The following RNF19A variants were observed in gnomAD, a reference collection of about 807,000 sequenced individuals.
RNF19A encodes E3 ubiquitin-protein ligase RNF19A.
RNF19A carries 32 observed loss-of-function variants against 75.7 expected under a neutral mutation model. The observed-to-expected ratio is 0.42, with a 90% CI of 0.32 to 0.57. The LOEUF is 0.57. Among genes scored for constraint, RNF19A ranks in the 20% least tolerant of loss-of-function variants. RNF19A has a pLI of 0.10. For missense variants in RNF19A, 782 were observed against 1,036.3 expected (o/e 0.75, Z 3.37); for synonymous variants, 335 against 345.2 (o/e 0.97, Z 0.33).
chr8:100,284,632 TGA>T lies in RNF19A; in HGVS notation c.674+2867_674+2868del, dbSNP rs1820933711. Among the ~76,000 whole-genome samples the T allele has an allele frequency of 6.6e-6, 1 of 152,110 alleles. No individual in the cohort carries two copies. The highest frequency in any genetic ancestry group is 2.4e-5 in the African/African-American group (1 of 41,458). ...CTATTATTTTATGATATTTTATATTTGAGTTAACATTTGAATTATCATCTCTA... is the reference window on the plus strand; with the variant it reads ...CTATTATTTTATGATATTTTATATTTGTTAACATTTGAATTATCATCTCTA... On this transcript the variant is annotated intron_variant, in intron 2 of 9. Transcript: ENST00000341084. This position sits in a 1 kb window ranked among gnomAD's most constrained non-coding sequence, Gnocchi z 4.3.
In RNF19A at chr8:100,331,687, G is replaced by A. The variant is rs1360383013; in HGVS notation, c.-243+4421C>T. 6.6e-6 allele frequency among the ~76,000 whole-genome samples: 1 copy of A among 152,024 alleles called. No homozygotes were observed. The highest frequency in any genetic ancestry group is 2.4e-5 in the African/African-American group (1 of 41,372). ...GGCGCAAAATTTGAAAGGAATAAAAGGGTAGAGTGAAAGTCTCTTTTTAAA... is the reference window on the plus strand; with the variant it reads ...GGCGCAAAATTTGAAAGGAATAAAAAGGTAGAGTGAAAGTCTCTTTTTAAA... On this transcript the variant is annotated intron_variant, in intron 1 of 3. Transcript: ENST00000519527. The surrounding 1 kb of genome is among the most constrained non-coding windows in gnomAD (Gnocchi z 5.2).
In RNF19A at chr8:100,322,865, G is replaced by C. The variant is rs985965096; in HGVS notation, c.-242-9493C>G. On this transcript the variant is annotated intron_variant, in intron 1 of 3. Transcript: ENST00000519527. The surrounding 1 kb of genome is among the most constrained non-coding windows in gnomAD (Gnocchi z 5.1). ...CAGAACACACACACACATTTATTAAGTTCACTGTCTTCAGTGGGAGTGGTT... is the reference window on the plus strand; with the variant it reads ...CAGAACACACACACACATTTATTAACTTCACTGTCTTCAGTGGGAGTGGTT... Among the ~76,000 whole-genome samples, 1 of 152,152 alleles carries C rather than the reference G, an allele frequency of 6.6e-6. No individual in the cohort carries two copies. The highest frequency in any genetic ancestry group is 2.4e-5 in the African/African-American group (1 of 41,440).
At chr8:100,308,197 C>T (rs1377524860) in intron 1 of RNF19A, among the ~76,000 whole-genome samples, 1 of 152,048 alleles carries the variant, frequency 6.6e-6, no homozygotes, top group East Asian at 1.9e-4. Flanking sequence ...GTAATTTTTT[C>T]CTCAAAGACA....
At chr8:100,311,351 G>A (rs1313536989), upstream of RNF19A, among the ~76,000 whole-genome samples, 3 of 152,142 alleles carry the variant, frequency 2.0e-5, no homozygotes, top group Non-Finnish European at 4.4e-5. Flanking sequence ...CTTTACATAT[G>A]GGATGCTTTA....
In RNF19A at chr8:100,287,803, T is replaced by C; in HGVS notation, c.372A>G (p.Lys124=). 1 of 1,614,194 alleles carries C rather than the reference T, an allele frequency of 6.2e-7. No individual in the cohort carries two copies. The highest frequency in any genetic ancestry group is 8.5e-7 in the Non-Finnish European group (1 of 1,180,018). Reference sequence around the variant, plus strand: ...GGCACTCTATGAAGTCTCCAATTTGTTTGCTGATGGAAGTTAATCCATTGT... The same window carrying C: ...GGCACTCTATGAAGTCTCCAATTTGCTTGCTGATGGAAGTTAATCCATTGT... ...SSDNGLTSIS[K]QIGDFIECPL... is the part of the protein sequence containing the mutation. The change falls in exon 2 of 10, where the codon AAA becomes AAG. Residue 124 remains lysine (K), a synonymous_variant. Transcript: ENST00000341084. This position sits in a 1 kb window ranked among gnomAD's most constrained non-coding sequence, Gnocchi z 4.1.
chr8:100,259,133 C>A lies in RNF19A; in HGVS notation c.1940G>T (p.Gly647Val). 1.2e-6 allele frequency: 2 copies of A among 1,614,198 alleles called. No individual in the cohort carries two copies. Among genetic ancestry groups the A allele is most frequent in the South Asian group, 2.2e-5 (2 of 91,080 alleles). ...TTCAGGCAAGCCACTGGATGAACCG[C>A]CAGCATGACTTCGGGTGGCACTGCC... Reference protein sequence around the residue: ...DDGSATRSHAGGSSSGLPEGK... With the variant: ...DDGSATRSHAVGSSSGLPEGK... The change falls in exon 10 of 10, where the codon GGC (glycine) becomes GTC (valine). Residue 647 changes from glycine to valine, a missense_variant. By Grantham distance (109) the Gly-to-Val change is moderately radical (BLOSUM62 -3). Around this residue, in one of 7 missense-constraint regions of RNF19A, gnomAD observed 442 missense variants for 541.6 expected, o/e 0.82. Transcript: ENST00000341084. The surrounding 1 kb of genome is among the most constrained non-coding windows in gnomAD (Gnocchi z 4.5).
intron 3 of RNF19A, among the ~76,000 whole-genome samples, chr8:100,273,163 A>C (rs1272921887): frequency 6.6e-6 from 1 of 152,214 alleles, no homozygotes; most frequent in Non-Finnish European, 1.5e-5. Flanking sequence ...CATTGCGCCC[A>C]GCCAAGATTT....
In RNF19A at chr8:100,284,232, T is replaced by C. The variant is rs771769211; in HGVS notation, c.674+3269A>G. 1.3e-5 allele frequency among the ~76,000 whole-genome samples: 2 copies of C among 152,132 alleles called. No homozygotes were observed. Among genetic ancestry groups the C allele is most frequent in the Non-Finnish European group, 2.9e-5 (2 of 67,994 alleles). Reference sequence around the variant, plus strand: ...AACAAGATAGGATAGGGACTCAAAATCAGGTATTTACAGCTCATAATAAGT... The same window carrying C: ...AACAAGATAGGATAGGGACTCAAAACCAGGTATTTACAGCTCATAATAAGT... On this transcript the variant is annotated intron_variant, in intron 2 of 9. Coordinates refer to ENST00000341084, the MANE Select transcript of RNF19A (RefSeq NM_183419.4). The surrounding 1 kb of genome is among the most constrained non-coding windows in gnomAD (Gnocchi z 4.3).
intron 3 of RNF19A, 46 bp from the exon 4 acceptor site, chr8:100,270,059 A>T: frequency 7.0e-7 from 1 of 1,431,148 alleles, no homozygotes; most frequent in East Asian, 2.6e-5. Flanking sequence ...AAACTGGTCT[A>T]AAAATAACTT....
At chr8:100,294,743 CA>C (rs1309637657) in intron 1 of RNF19A, among the ~76,000 whole-genome samples, 1 of 152,132 alleles carries the variant, frequency 6.6e-6, no homozygotes, top group Non-Finnish European at 1.5e-5. Context: ...CTTTGAGATA[CA>C]GTATTCTTGA....
At chr8:100,265,599 CA>C (rs1447977341) in intron 5 of RNF19A, among the ~76,000 whole-genome samples, 1 of 152,092 alleles carries the variant, frequency 6.6e-6, no homozygotes, top group Non-Finnish European at 1.5e-5. Flanking sequence ...AAAACAGCCT[CA>C]AAAGTATGGG....
chr8:100,264,466 G>A lies in RNF19A; in HGVS notation c.1306+205C>T, dbSNP rs1249310957. ...CAGGCCTCCGAACTGTACTTGGGGT[G>A]GAGTGGGGAGGAAGGGTATCAGCCA... On this transcript the variant is annotated intron_variant, in intron 6 of 9. Coordinates refer to ENST00000341084, the MANE Select transcript of RNF19A (RefSeq NM_183419.4). The surrounding 1 kb of genome is among the most constrained non-coding windows in gnomAD (Gnocchi z 4.7). The A allele has an allele frequency of 2.6e-5, 15 of 583,656 alleles. No individual in the cohort carries two copies. The East Asian group carries it at 3.4e-4, about 13-fold the overall frequency. The allele number at this position is 583,656 out of a possible 1,614,324, so 36.2% of individuals were successfully genotyped here. A position where few individuals can be genotyped will look rare whatever the true frequency, so the allele number is the denominator to read the frequency against.
chr8:100,298,325 T>G (rs1821668446), intron 1 of RNF19A, among the ~76,000 whole-genome samples: 2 of 152,034 alleles, frequency 1.3e-5, no homozygotes, highest in Admixed American at 1.3e-4. Flanking sequence ...CACGAATTTC[T>G]CAAAGGTAAA....
chr8:100,288,377 G>GTT, intron 1 of RNF19A, 110 bp from the exon 2 acceptor site: 4 of 703,176 alleles, frequency 5.7e-6, no homozygotes, highest in South Asian at 8.8e-5. Context: ...ATTAGTAGTA[G>GTT]TTGTTTTTTT....
intron 3 of RNF19A, among the ~76,000 whole-genome samples, chr8:100,271,455 G>C (rs956514761): frequency 6.6e-6 from 1 of 152,202 alleles, no homozygotes; most frequent in Non-Finnish European, 1.5e-5. Context: ...TAAGCAGCAT[G>C]TTAATCGATA....
chr8:100,288,325 T>C, intron 1 of RNF19A, 58 bp from the exon 2 acceptor site: 5 of 1,108,368 alleles, frequency 4.5e-6, no homozygotes, highest in Non-Finnish European at 5.9e-6. Flanking sequence ...AGTTTGTATA[T>C]TTTTATAAAT....
Position 100,317,142 on chromosome 8 carries a change from G to T in RNF19A, c.-242-3770C>A, listed in dbSNP as rs895001632. Among the ~76,000 whole-genome samples the T allele has an allele frequency of 1.3e-5, 2 of 152,238 alleles. No homozygotes were observed. The highest frequency in any genetic ancestry group is 4.8e-5 in the African/African-American group (2 of 41,458). The stretch of plus-strand genomic sequence containing the variant: ...GCCCGCAAGCGCCGCACGCAGCCCA[G>T]CCCGGGTTCCCGCTCGCGCCTCTCC... On this transcript the variant is annotated intron_variant, in intron 1 of 3. Coordinates refer to the RNF19A transcript ENST00000519527. This position sits in a 1 kb window ranked among gnomAD's most constrained non-coding sequence, Gnocchi z 4.3.
intron 1 of RNF19A, among the ~76,000 whole-genome samples, chr8:100,290,591 C>T (rs1000517335): frequency 6.6e-6 from 1 of 152,088 alleles, no homozygotes; most frequent in African/African-American, 2.4e-5. Flanking sequence ...ACCTCATGTC[C>T]CTCGGTTTAT....
At chr8:100,262,180 CCT>C (rs1285834956) in intron 7 of RNF19A, among the ~76,000 whole-genome samples, 4 of 152,116 alleles carry the variant, frequency 2.6e-5, no homozygotes, top group Admixed American at 2.0e-4. Flanking sequence ...TTTTACAGTA[CCT>C]CTCACACATT....
Sources: gnomAD v4.1 joint callset for allele counts (sites outside exome capture counted in the v4.1 genomes callset) on GRCh38, gnomAD v4.1.1 for gene constraint, gnomAD v4.1.1 regional missense constraint, Gnocchi (gnomAD v3.1) non-coding constraint, MANE v1.5 for transcripts, NCBI Gene and HGNC (gene_info 2026-07-23, HGNC 2026-07-21) for gene names.